The following ERO1A variants were observed in gnomAD, a reference collection of about 807,000 sequenced individuals.
ERO1A encodes the protein endoplasmic reticulum oxidoreductase 1 alpha.
A neutral mutation model predicts 76.9 loss-of-function variants in ERO1A; 49 were observed. That is an observed-to-expected ratio of 0.64 (90% confidence interval 0.51 to 0.81). ERO1A has a LOEUF of 0.81. Ranked by LOEUF, ERO1A falls within the 30% of genes least tolerant of loss-of-function variation. ERO1A has a pLI of 0.00. For missense variants in ERO1A, 448 were observed against 542.1 expected (o/e 0.83, Z 1.72); for synonymous variants, 174 against 181.2 (o/e 0.96, Z 0.32).
At chr14:52,652,815 T>C (rs762810883) in intron 12 of ERO1A, among the ~76,000 whole-genome samples, 28 of 152,030 alleles carry the variant, frequency 1.8e-4, no homozygotes, top group Admixed American at 6.6e-5. Flanking sequence ...CTGGACAACA[T>C]GGCAAAACCC....
At chr14:52,650,396 C>T (rs1235569198) in intron 13 of ERO1A, among the ~76,000 whole-genome samples, 1 of 150,708 alleles carries the variant, frequency 6.6e-6, no homozygotes, top group Non-Finnish European at 1.5e-5. Flanking sequence ...TCTTGTGTTT[C>T]AGTACCTGTT....
intron 8 of ERO1A, among the ~76,000 whole-genome samples, chr14:52,661,678 A>C (rs1378499472): frequency 2.6e-5 from 4 of 152,116 alleles, no homozygotes; most frequent in Admixed American, 1.3e-4. Flanking sequence ...CTAAAGCTAT[A>C]ATGTAGTTTC....
intron 1 of ERO1A, among the ~76,000 whole-genome samples, chr14:52,690,749 G>A (rs572942874): frequency 6.6e-6 from 1 of 152,200 alleles, no homozygotes; most frequent in East Asian, 1.9e-4. Flanking sequence ...AACATTATGT[G>A]GTACACCTTA....
chr14:52,644,987 G>A (rs1225704421), intron 15 of ERO1A, among the ~76,000 whole-genome samples: 1 of 152,074 alleles, frequency 6.6e-6, no homozygotes, highest in African/African-American at 2.4e-5. Flanking sequence ...AGCATTTCTT[G>A]CATGATAGGC....
chr14:52,678,658 T>C (rs987453063), intron 3 of ERO1A, among the ~76,000 whole-genome samples, 186 bp from the exon 4 acceptor site: 1 of 152,254 alleles, frequency 6.6e-6, no homozygotes, highest in African/African-American at 2.4e-5. Flanking sequence ...AATTATTCTA[T>C]GGATTGCTGA....
At chr14:52,650,319 T>C (rs1423021605) in intron 13 of ERO1A, among the ~76,000 whole-genome samples, 1 of 150,084 alleles carries the variant, frequency 6.7e-6, no homozygotes, top group Admixed American at 6.6e-5. Flanking sequence ...TATCTATATC[T>C]AGTATCTTTA....
chr14:52,664,025 A>T, intron 7 of ERO1A, 178 bp from the exon 8 acceptor site: 1 of 453,446 alleles, frequency 2.2e-6, no homozygotes, highest in Non-Finnish European at 4.0e-6. Context: ...TTGTAGTGAT[A>T]ATAGTTCCTG....
At chr14:52,664,043 C>A in intron 7 of ERO1A, 196 bp from the exon 8 acceptor site, 1 of 395,020 alleles carries the variant, frequency 2.5e-6, no homozygotes, top group Non-Finnish European at 4.7e-6. Context: ...CTGATCTTCT[C>A]CCATTGTGGC....
At chr14:52,659,813 G>A (rs921079198) in intron 9 of ERO1A, among the ~76,000 whole-genome samples, 9 of 149,364 alleles carry the variant, frequency 6.0e-5, no homozygotes, top group Non-Finnish European at 1.2e-4. Flanking sequence ...GTGTGTGTGT[G>A]TGTGTCTGTG....
chr14:52,694,262 T>C (rs1027616502), intron 1 of ERO1A, among the ~76,000 whole-genome samples: 1 of 152,204 alleles, frequency 6.6e-6, no homozygotes, highest in East Asian at 1.9e-4. Flanking sequence ...TTTGTAATGA[T>C]TGAAGGTAAA....
intron 1 of ERO1A, among the ~76,000 whole-genome samples, chr14:52,688,185 C>G (rs978939823): frequency 2.7e-5 from 4 of 147,176 alleles, no homozygotes; most frequent in Non-Finnish European, 4.5e-5. Flanking sequence ...GACCTTGCCT[C>G]AAAAAAATAG....
Position 52,683,842 on chromosome 14 carries a change from C to G in ERO1A, c.180G>C (p.Arg60Ser). Residue 60 changes from arginine (R) to serine (S), a missense_variant, in exon 2 of 16, where the codon AGG (arginine) becomes AGC (serine). By Grantham distance (110) the Arg-to-Ser change is moderately radical. Around this residue, in one of 2 missense-constraint regions of ERO1A, gnomAD observed 146 missense variants for 130.2 expected, o/e 1.12. Coordinates refer to ENST00000395686, the MANE Select transcript of ERO1A (RefSeq NM_014584.3). The part of the protein sequence containing the change: ...VETIDRFNNY[R>S]LFPRLQKLLE... ...GAAGTTTTTGTAGTCTTGGGAAAAG[C>G]CTGTAGTTATTAAATCTATCAATGG... 1.9e-6 allele frequency: 3 copies of G among 1,581,518 alleles called. No individual in the cohort carries two copies. Among genetic ancestry groups the G allele is most frequent in the Non-Finnish European group, 2.6e-6 (3 of 1,155,798 alleles).
chr14:52,675,037 G>A (rs1274255873), intron 4 of ERO1A, among the ~76,000 whole-genome samples: 1 of 152,148 alleles, frequency 6.6e-6, no homozygotes, highest in African/African-American at 2.4e-5. Context: ...TCTAATGGAT[G>A]GCTACAAGGA....
chr14:52,660,902 G>A (rs1312227872), intron 9 of ERO1A, among the ~76,000 whole-genome samples: 1 of 152,152 alleles, frequency 6.6e-6, no homozygotes, highest in Admixed American at 6.5e-5. Flanking sequence ...ATCAACCTTA[G>A]AAGCCAGCTC....
chr14:52,673,309 T>C (rs1385499877), intron 4 of ERO1A, among the ~76,000 whole-genome samples: 1 of 152,176 alleles, frequency 6.6e-6, no homozygotes, highest in African/African-American at 2.4e-5. Context: ...AGGCTGGTCT[T>C]GAACTCCTGG....
At position 52,659,199 on chromosome 14, in the gene ERO1A, AG is replaced by A. The variant is rs1469388908; in HGVS notation, c.689-1050del. On this transcript the variant is annotated intron_variant, in intron 9 of 15. Coordinates refer to ENST00000395686, the MANE Select transcript of ERO1A (RefSeq NM_014584.3). ...AAATGCTAAAGTGCCCCCTTAAAAA[AG>A]AGGTAAATAATATGAATTTAAAAAT... is the stretch of plus-strand genomic sequence containing the variant. 4.6e-5 allele frequency among the ~76,000 whole-genome samples: 7 copies of A among 152,216 alleles called. 1 individual carries two copies. Among genetic ancestry groups the A allele is most frequent in the Admixed American group, 4.6e-4 (7 of 15,284 alleles).
At chr14:52,661,250 A>T (rs749198813) in intron 9 of ERO1A, 43 bp downstream of exon 9, 2 of 807,546 alleles carry the variant, frequency 2.5e-6, no homozygotes, top group Non-Finnish European at 3.7e-6. Context: ...ATCTGAATGT[A>T]TAAACAAATT....
intron 11 of ERO1A, among the ~76,000 whole-genome samples, chr14:52,657,689 A>T (rs968739398): frequency 1.3e-5 from 2 of 152,216 alleles, no homozygotes; most frequent in Non-Finnish European, 2.9e-5. Flanking sequence ...AGTGATATGG[A>T]CAATTTTGAG....
intron 8 of ERO1A, among the ~76,000 whole-genome samples, chr14:52,662,169 T>C (rs912062337): frequency 2.6e-5 from 4 of 152,184 alleles, no homozygotes; most frequent in Non-Finnish European, 5.9e-5. Flanking sequence ...AGTTCCCTAA[T>C]GATAAACATT....
Sources: allele counts gnomAD v4.1 joint callset (sites outside exome capture counted in the v4.1 genomes callset), GRCh38; gene constraint gnomAD v4.1.1; regional missense constraint gnomAD v4.1.1; transcripts MANE v1.5; gene names NCBI Gene and HGNC (gene_info 2026-07-23, HGNC 2026-07-21).